The following PSMB4 variants were observed in gnomAD, a reference collection of about 807,000 sequenced individuals.
The protein encoded by PSMB4 is proteasome 20S subunit beta 4.
In PSMB4, 16 loss-of-function variants were observed where a neutral mutation model predicts 35.2. That is an observed-to-expected ratio of 0.45 (90% CI 0.31 to 0.69). The LOEUF is 0.69. Ranked by LOEUF, PSMB4 falls within the 30% of genes least tolerant of loss-of-function variation. PSMB4 has a pLI of 0.06. For synonymous variants in PSMB4, 144 were observed against 134.1 expected (o/e 1.07, Z -0.51); for missense variants, 333 against 351.8 (o/e 0.95, Z 0.43).
chr1:151,401,693 CTTTTCTGGGAGGCTCACCCAGGAAAA>C, intron 6 of PSMB4, 63 bp downstream of exon 6: 1 of 1,544,672 alleles, frequency 6.5e-7, no homozygotes, highest in East Asian at 2.2e-5. Context: ...CTAAGCTGGG[CTTTTCTGGGAGGCTCACCCAGGAAAA>C]TTTTCTGGGT....
intron 4 of PSMB4, 152 bp from the exon 5 acceptor site, chr1:151,401,087 C>A: frequency 1.3e-6 from 1 of 798,892 alleles, no homozygotes; most frequent in Non-Finnish European, 2.1e-6. Flanking sequence ...CCTGAAGTGG[C>A]TCTTAGCTTA....
intron 2 of PSMB4, 77 bp downstream of exon 2, chr1:151,400,264 A>AT: frequency 6.6e-7 from 1 of 1,505,202 alleles, no homozygotes; most frequent in Non-Finnish European, 9.2e-7. Flanking sequence ...CTTCGATGGG[A>AT]TGGGGGGACT....
chr1:151,401,406 C>G (rs1652829004), intron 5 of PSMB4, 51 bp downstream of exon 5: 1 of 1,573,604 alleles, frequency 6.4e-7, no homozygotes, highest in African/African-American at 1.3e-5. Context: ...ACTTGCAATC[C>G]CTGGGTCTCT....
chr1:151,399,991 G>C lies in PSMB4; in HGVS notation c.151G>C (p.Val51Leu), dbSNP rs779858337. 1.2e-5 allele frequency: 19 copies of C among 1,613,852 alleles called. No individual in the cohort carries two copies. Among genetic ancestry groups the C allele is most frequent in the Non-Finnish European group, 1.6e-5 (19 of 1,179,932 alleles). Residue 51 changes from valine (V) to leucine (L), a missense_variant, in exon 2 of 7, where the codon GTG becomes CTG. Physicochemically the swap from Val to Leu is conservative, Grantham distance 32 (BLOSUM62 1). Coordinates refer to ENST00000290541, the MANE Select transcript of PSMB4 (RefSeq NM_002796.3). ...GPITRTQNPM[V>L]TGTSVLGVKF... ...GTTCTCACTCTTTAGGAACCCCATG[G>C]TGACCGGGACCTCAGTCCTCGGCGT... is the stretch of plus-strand genomic sequence containing the variant.
In PSMB4 at chr1:151,401,539, CA is replaced by C. The variant is rs1652837975; in HGVS notation, c.694-2del. 6.2e-7 allele frequency: 1 copy of C among 1,607,396 alleles called. No individual in the cohort carries two copies. Among genetic ancestry groups the C allele is most frequent in the African/African-American group, 1.3e-5 (1 of 74,804 alleles). ...CATTATTGAATGCTCTGCTTTCTTC[CA>C]GTTTCAAATCGCCACTGTCACCGAA... On this transcript the variant is annotated splice_acceptor_variant, in intron 5 of 6. Coordinates refer to ENST00000290541, the MANE Select transcript of PSMB4 (RefSeq NM_002796.3). LOFTEE classifies it high-confidence loss of function.
In PSMB4 at chr1:151,401,803, T is replaced by C; in HGVS notation, c.783-14T>C. ...TATGCTTCACAATTTTATTATTCTG[T>C]CTTCCTTTTTTAGTGGCTTTGAATG... is the stretch of plus-strand genomic sequence containing the variant. On this transcript the variant is annotated splice_polypyrimidine_tract_variant and intron_variant, in intron 6 of 6. Coordinates refer to ENST00000290541, the MANE Select transcript of PSMB4 (RefSeq NM_002796.3). The C allele has an allele frequency of 6.2e-7, 1 of 1,608,494 alleles. No individual in the cohort carries two copies. The highest frequency in any genetic ancestry group is 8.5e-7 in the Non-Finnish European group (1 of 1,174,902).
intron 5 of PSMB4, 76 bp downstream of exon 5, chr1:151,401,431 A>G (rs1471009052): frequency 6.5e-7 from 1 of 1,541,224 alleles, no homozygotes; most frequent in African/African-American, 1.4e-5. Flanking sequence ...TTTGAAGAAC[A>G]GATTGCCTTA....
rs769075367 is a variant in PSMB4, at chr1:151,400,490, T to C, written c.396T>C (p.Ala132=). The change falls in exon 3 of 7, where the codon GCT becomes GCC. Residue 132 remains alanine (A), a synonymous_variant. Coordinates refer to ENST00000290541, the MANE Select transcript of PSMB4 (RefSeq NM_002796.3). ...ATGGACACAGCTATAGTCCTAGAGCTATTCATTCATGGCTGACCAGGGCCA... is the reference window on the plus strand; with the variant it reads ...ATGGACACAGCTATAGTCCTAGAGCCATTCATTCATGGCTGACCAGGGCCA... The part of the protein sequence containing the change: ...LGDGHSYSPR[A]IHSWLTRAMY... The C allele has an allele frequency of 6.2e-7, 1 of 1,614,022 alleles. No homozygotes were observed. Among genetic ancestry groups the C allele is most frequent in the Admixed American group, 1.7e-5 (1 of 60,024 alleles).
rs1652837463 is a variant in PSMB4 at position 151,401,533 on chromosome 1, T to C, written c.694-9T>C. 6.2e-7 allele frequency: 1 copy of C among 1,604,214 alleles called. No individual in the cohort carries two copies. Among genetic ancestry groups the C allele is most frequent in the Non-Finnish European group, 8.5e-7 (1 of 1,171,028 alleles). ...CGTGGGCATTATTGAATGCTCTGCTTTCTTCCAGTTTCAAATCGCCACTGT... is the reference window on the plus strand; with the variant it reads ...CGTGGGCATTATTGAATGCTCTGCTCTCTTCCAGTTTCAAATCGCCACTGT... On this transcript the variant is annotated splice_polypyrimidine_tract_variant and intron_variant, in intron 5 of 6. Transcript: ENST00000290541.
chr1:151,399,853 A>T (rs1652754997), intron 1 of PSMB4, 126 bp downstream of exon 1: 1 of 1,557,084 alleles, frequency 6.4e-7, no homozygotes, highest in African/African-American at 1.4e-5. Flanking sequence ...AGGGGAGCTC[A>T]GGGCGCGGAG....
Position 151,401,573 on chromosome 1 carries a change from T to G in PSMB4, c.725T>G (p.Val242Gly). 1 of 1,612,892 alleles carries G rather than the reference T, an allele frequency of 6.2e-7. No individual in the cohort carries two copies. The highest frequency in any genetic ancestry group is 1.7e-5 in the Admixed American group (1 of 60,020). Residue 242 changes from valine (V) to glycine (G), a missense_variant, in exon 6 of 7, where the codon GTT (valine) becomes GGT (glycine). Physicochemically the swap from Val to Gly is moderately radical, Grantham distance 109. Transcript: ENST00000290541. ...ATCGCCACTGTCACCGAAAAAGGTG[T>G]TGAAATAGAGGGACCATTGTCTACA... Reference protein sequence around the residue: ...FQIATVTEKGVEIEGPLSTET... With the variant: ...FQIATVTEKGGEIEGPLSTET...
chr1:151,400,702 C>T (rs534278528), intron 3 of PSMB4, 62 bp from the exon 4 acceptor site: 24 of 1,609,536 alleles, frequency 1.5e-5, no homozygotes, highest in Non-Finnish European at 1.9e-5. Flanking sequence ...ACCCCATGGT[C>T]CCCTTCTTCA....
Position 151,401,538 on chromosome 1 carries a change from C to G in PSMB4, c.694-4C>G. 1 of 1,607,046 alleles carries G rather than the reference C, an allele frequency of 6.2e-7. No homozygotes were observed. Among genetic ancestry groups the G allele is most frequent in the Non-Finnish European group, 8.5e-7 (1 of 1,173,504 alleles). On this transcript the variant is annotated splice_region_variant and splice_polypyrimidine_tract_variant and intron_variant, in intron 5 of 6. Transcript: ENST00000290541. ...GCATTATTGAATGCTCTGCTTTCTT[C>G]CAGTTTCAAATCGCCACTGTCACCG...
rs560045224 is a variant in PSMB4 at position 151,401,049 on chromosome 1, G to A, written c.577-190G>A. On this transcript the variant is annotated intron_variant, in intron 4 of 6. Coordinates refer to ENST00000290541, the MANE Select transcript of PSMB4 (RefSeq NM_002796.3). ...GACATGACTGGGAGTCAGTAGACAT[G>A]CAAAGAGAGGACACCCTAGAACTTC... 39 of 757,426 alleles carry A rather than the reference G, an allele frequency of 5.1e-5. No homozygotes were observed. The South Asian group carries it at 5.9e-4, about 12-fold the overall frequency. The allele number at this position is 757,426 out of a possible 1,614,324, so 46.9% of individuals were successfully genotyped here.
chr1:151,401,263 A>G lies in PSMB4; in HGVS notation c.601A>G (p.Lys201Glu). ...GCCTCTGCTGCGAGAAGTTCTGGAG[A>G]AGCAGCCAGTGCTAAGCCAGACCGA... The part of the protein sequence containing the change: ...AQPLLREVLE[K>E]QPVLSQTEAR... The change falls in exon 5 of 7, where the codon AAG (lysine) becomes GAG (glutamate). Residue 201 changes from lysine to glutamate, a missense_variant. Coordinates refer to ENST00000290541, the MANE Select transcript of PSMB4 (RefSeq NM_002796.3). The G allele has an allele frequency of 6.2e-7, 1 of 1,613,866 alleles. No individual in the cohort carries two copies. Among genetic ancestry groups the G allele is most frequent in the South Asian group, 1.1e-5 (1 of 91,074 alleles).
intron 1 of PSMB4, 31 bp downstream of exon 1, chr1:151,399,758 G>C: frequency 2.5e-6 from 4 of 1,613,400 alleles, no homozygotes; most frequent in Non-Finnish European, 3.4e-6. Context: ...TTTGCGTAGC[G>C]GGAGGGACCG....
Position 151,401,275 on chromosome 1 carries a change from C to T in PSMB4, c.613C>T (p.Leu205=). Reference sequence around the variant, plus strand: ...AGAAGTTCTGGAGAAGCAGCCAGTGCTAAGCCAGACCGAGGCCCGCGACTT... The same window carrying T: ...AGAAGTTCTGGAGAAGCAGCCAGTGTTAAGCCAGACCGAGGCCCGCGACTT... ...LREVLEKQPV[L]SQTEARDLVE... The change falls in exon 5 of 7, where the codon CTA becomes TTA. Residue 205 remains leucine (L), a synonymous_variant. Coordinates refer to ENST00000290541, the MANE Select transcript of PSMB4 (RefSeq NM_002796.3). 1.2e-6 allele frequency: 2 copies of T among 1,614,170 alleles called. No homozygotes were observed. The highest frequency in any genetic ancestry group is 1.1e-5 in the South Asian group (1 of 91,084).
chr1:151,400,112 A>T lies in PSMB4; in HGVS notation c.272A>T (p.Asn91Ile). Residue 91 changes from asparagine to isoleucine, a missense_variant, in exon 2 of 7, where the codon AAC becomes ATC. Physicochemically the swap from Asn to Ile is moderately radical, Grantham distance 149 (BLOSUM62 -3). Transcript: ENST00000290541. ...AACATCTCTCGCATTATGCGAGTCA[A>T]CAACAGTACCATGCTGGGTGCCTCT... is the stretch of plus-strand genomic sequence containing the variant. ...FRNISRIMRV[N>I]NSTMLGASGD... is the part of the protein sequence containing the mutation. 1.2e-6 allele frequency: 2 copies of T among 1,614,156 alleles called. No individual in the cohort carries two copies.
At position 151,401,641 on chromosome 1, in the gene PSMB4, G is replaced by A. The variant is rs146720393; in HGVS notation, c.782+11G>A. The A allele has an allele frequency of 5.3e-5, 85 of 1,592,502 alleles. 1 individual carries two copies. The African/African-American group carries it at 9.1e-4, about 17-fold the overall frequency. On this transcript the variant is annotated intron_variant, in intron 6 of 6. Coordinates refer to ENST00000290541, the MANE Select transcript of PSMB4 (RefSeq NM_002796.3). Reference sequence around the variant, plus strand: ...TGCCCACATGATCAGGTGAGTAATAGGGAAAAAATTGGTGACAGACTTGGG... The same window carrying A: ...TGCCCACATGATCAGGTGAGTAATAAGGAAAAAATTGGTGACAGACTTGGG...
Sources: allele counts gnomAD v4.1 joint callset, GRCh38; gene constraint gnomAD v4.1.1; transcripts MANE v1.5; gene names NCBI Gene and HGNC (gene_info 2026-07-23, HGNC 2026-07-21).